Variants in SHLD1 observed in about 807,000 individuals in gnomAD.
SHLD1 encodes shieldin complex subunit 1.
Under a neutral mutation model 5.5 loss-of-function variants are expected in SHLD1, and 3 were observed. The observed-to-expected ratio is 0.54, with a 90% CI of 0.25 to 1.40. SHLD1 has a LOEUF of 1.40. Among genes scored for constraint, SHLD1 ranks in the 40% most tolerant of loss-of-function variants. The probability of loss-of-function intolerance (pLI) is 0.15; values close to 1 mark genes in which losing one functional copy is unlikely to be tolerated. For missense variants in SHLD1, 210 were observed against 244.4 expected, an observed-to-expected ratio of 0.86 and a Z score of 0.94; for synonymous variants, 92 against 94.3, an observed-to-expected ratio of 0.98 and a Z score of 0.14.
chr20:5,853,043 G>T (rs2088032607), intron 2 of SHLD1, among the ~76,000 whole-genome samples: 1 of 152,122 alleles, frequency 6.6e-6, no homozygotes, highest in Admixed American at 6.5e-5. Context: ...TGTATTAAAG[G>T]TTTATTATGC....
chr20:5,860,139 T>C (rs1235360618), intron 2 of SHLD1, among the ~76,000 whole-genome samples: 1 of 141,790 alleles, frequency 7.1e-6, no homozygotes, highest in Non-Finnish European at 1.5e-5. Flanking sequence ...CAGGACAAGG[T>C]CATCTGCGGG....
chr20:5,799,557 G>A (rs2087262398), intron 2 of SHLD1, among the ~76,000 whole-genome samples: 1 of 141,748 alleles, frequency 7.1e-6, no homozygotes, highest in African/African-American at 2.7e-5. Flanking sequence ...CAAGCAATTT[G>A]CTCACCTTGG....
chr20:5,783,968 A>G (rs2087021721), intron 2 of SHLD1, among the ~76,000 whole-genome samples: 1 of 152,138 alleles, frequency 6.6e-6, no homozygotes, highest in Non-Finnish European at 1.5e-5. Context: ...CCTGGTCAAC[A>G]TGGCAAAACG....
At chr20:5,852,707 C>A (rs2088027645) in intron 2 of SHLD1, among the ~76,000 whole-genome samples, 1 of 152,228 alleles carries the variant, frequency 6.6e-6, no homozygotes, top group Admixed American at 6.5e-5. Flanking sequence ...GCCTCAGCCT[C>A]CCAAAGTGCT....
At chr20:5,753,187 C>T (rs1169151216) in intron 1 of SHLD1, among the ~76,000 whole-genome samples, 2 of 152,082 alleles carry the variant, frequency 1.3e-5, no homozygotes, top group African/African-American at 2.4e-5. Context: ...CCACATTATA[C>T]CAGGTTAATA....
chr20:5,792,184 G>C (rs1383357422), intron 2 of SHLD1, among the ~76,000 whole-genome samples: 3 of 152,026 alleles, frequency 2.0e-5, no homozygotes, highest in Admixed American at 6.6e-5. Flanking sequence ...TATGTCCTTT[G>C]ATGTGCAAAA....
chr20:5,751,701 C>T (rs1209511636), intron 1 of SHLD1, among the ~76,000 whole-genome samples: 1 of 152,128 alleles, frequency 6.6e-6, no homozygotes, highest in Non-Finnish European at 1.5e-5. Flanking sequence ...TATTTTAAAG[C>T]GGTTTATTCT....
intron 2 of SHLD1, among the ~76,000 whole-genome samples, chr20:5,811,664 G>A (rs1411150773): frequency 1.3e-5 from 2 of 152,080 alleles, no homozygotes; most frequent in Non-Finnish European, 2.9e-5. Context: ...AGACCAGCCT[G>A]GGGAACATAG....
intron 2 of SHLD1, among the ~76,000 whole-genome samples, chr20:5,860,263 G>T (rs1197272674): frequency 6.6e-6 from 1 of 152,172 alleles, no homozygotes; most frequent in Admixed American, 6.5e-5. Context: ...CCAAGCTAAG[G>T]CTTCTTATTT....
At chr20:5,750,299 G>A (rs962934920), upstream of SHLD1, 12 of 152,098 alleles carry the variant, frequency 7.9e-5, no homozygotes, top group African/African-American at 2.2e-4. Flanking sequence ...ACATGGCCGC[G>A]ACCGGCTTCC....
At chr20:5,817,526 T>A (rs1433975603) in intron 2 of SHLD1, among the ~76,000 whole-genome samples, 2 of 151,174 alleles carry the variant, frequency 1.3e-5, no homozygotes, top group African/African-American at 4.9e-5. Context: ...TAGGGAGATT[T>A]TTTGAATAGC....
intron 2 of SHLD1, among the ~76,000 whole-genome samples, chr20:5,861,230 G>A (rs916506631): frequency 1.3e-5 from 2 of 152,260 alleles, no homozygotes; most frequent in Admixed American, 1.3e-4. Context: ...TCTGAAGAGG[G>A]AGCATGCACT....
chr20:5,831,983 T>C (rs545429859), intron 2 of SHLD1, among the ~76,000 whole-genome samples: 2 of 152,334 alleles, frequency 1.3e-5, no homozygotes, highest in African/African-American at 4.8e-5. Flanking sequence ...AGCCTTGCTC[T>C]TTTGCCCAAG....
intron 2 of SHLD1, among the ~76,000 whole-genome samples, chr20:5,777,293 C>T (rs1985475196): frequency 6.6e-6 from 1 of 151,542 alleles, no homozygotes; most frequent in Non-Finnish European, 1.5e-5. Context: ...CCAGCCCAAA[C>T]ATCACCACTT....
intron 1 of SHLD1, among the ~76,000 whole-genome samples, chr20:5,767,387 C>A (rs757648600): frequency 2.6e-5 from 4 of 152,138 alleles, no homozygotes; most frequent in Non-Finnish European, 4.4e-5. Flanking sequence ...ATCCTCCTGC[C>A]TCAGCCTCCC....
rs765227040 is a variant in SHLD1 at position 5,848,656 on chromosome 20, TTC to T, written c.179-14364_179-14363del. Among the ~76,000 whole-genome samples, 26 of 152,294 alleles carry T rather than the reference TTC, an allele frequency of 1.7e-4. No individual in the cohort carries two copies. The South Asian group carries it at 5.2e-3, about 30-fold the overall frequency. ...GGTGGTGTGAGCTTGGATGTTACAG[TTC>T]TCTGTTAATTTTTCAAGAAAAATAT... On this transcript the variant is annotated intron_variant, in intron 2 of 2. Transcript: ENST00000303142.
rs73596839 is a variant in SHLD1 at position 5,824,124 on chromosome 20, C to A, written c.179-38900C>A. Among the ~76,000 whole-genome samples, 1,023 of 152,366 alleles carry A rather than the reference C, an allele frequency of 6.7e-3. 7 individuals carry two copies. The highest frequency in any genetic ancestry group is 0.024 in the African/African-American group (992 of 41,590). The stretch of plus-strand genomic sequence containing the variant: ...CAGGATCTGGCTTCTCCCTGCCTGG[C>A]TGTGACTGCTTCTCCCACCTCTTCC... On this transcript the variant is annotated intron_variant, in intron 2 of 2. Transcript: ENST00000303142.
Position 5,781,081 on chromosome 20 carries a change from A to G in SHLD1, c.178+8038A>G, listed in dbSNP as rs183023732. 1.9e-3 allele frequency among the ~76,000 whole-genome samples: 295 copies of G among 152,334 alleles called. 4 individuals carry two copies. Among genetic ancestry groups the G allele is most frequent in the African/African-American group, 5.9e-3 (245 of 41,580 alleles). On this transcript the variant is annotated intron_variant, in intron 2 of 2. Coordinates refer to ENST00000303142, the MANE Select transcript of SHLD1 (RefSeq NM_152504.4). ...TAAAACTAGGCTATATATGTCTAAT[A>G]AAGACACAGTCCATCTGGCCTGAAG... is the stretch of plus-strand genomic sequence containing the variant.
intron 2 of SHLD1, among the ~76,000 whole-genome samples, chr20:5,795,268 A>C (rs775755048): frequency 1.7e-4 from 26 of 150,626 alleles, no homozygotes; most frequent in East Asian, 5.8e-4. Flanking sequence ...CAAAACAAAA[A>C]ACACACACAC....
Sources: gnomAD v4.1 joint callset for allele counts (sites outside exome capture counted in the v4.1 genomes callset) on GRCh38, gnomAD v4.1.1 for gene constraint, MANE v1.5 for transcripts, NCBI Gene and HGNC (gene_info 2026-07-23, HGNC 2026-07-21) for gene names.